TBL1XR1: variants seen among roughly 807,000 people sequenced by gnomAD.
TBL1XR1 encodes TBL1X/Y related 1, also known as F-box-like/WD repeat-containing protein TBL1XR1.
A neutral mutation model predicts 66.9 loss-of-function variants in TBL1XR1; 5 were observed. The observed-to-expected ratio is 0.07, with a 90% confidence interval of 0.04 to 0.16. The LOEUF is 0.16. Ranked by LOEUF, TBL1XR1 falls within the 10% of genes least tolerant of loss-of-function variation. The pLI, the probability that TBL1XR1 is intolerant of heterozygous loss-of-function variation, is 1.00. For synonymous variants in TBL1XR1, 210 were observed against 206.0 expected, an observed-to-expected ratio of 1.02 and a Z score of -0.17; for missense variants, 238 against 623.2, an observed-to-expected ratio of 0.38 and a Z score of 6.58.
At chr3:177,112,098 TA>T (rs1287257698) in intron 1 of TBL1XR1, among the ~76,000 whole-genome samples, 52 of 53,824 alleles carry the variant, frequency 9.7e-4, no homozygotes, top group African/African-American at 1.5e-3. Context: ...TATATATATA[TA>T]TATATATATT....
At chr3:177,048,633 C>T (rs923222133) in intron 7 of TBL1XR1, among the ~76,000 whole-genome samples, 1 of 152,182 alleles carries the variant, frequency 6.6e-6, no homozygotes, top group African/African-American at 2.4e-5. Context: ...TCTAAACTAT[C>T]AGTCCCTAAA....
At chr3:177,073,543 G>A (rs1720309211) in intron 2 of TBL1XR1, among the ~76,000 whole-genome samples, 1 of 152,106 alleles carries the variant, frequency 6.6e-6, no homozygotes, top group Non-Finnish European at 1.5e-5. Flanking sequence ...TTCTATAAAT[G>A]GACTTCTATT....
chr3:177,084,050 T>C (rs1577113378), intron 2 of TBL1XR1, among the ~76,000 whole-genome samples: 1 of 137,832 alleles, frequency 7.3e-6, no homozygotes. Context: ...ATTGCCCCAC[T>C]GCACTCCAGC....
chr3:177,144,701 C>G (rs953336599), intron 1 of TBL1XR1, among the ~76,000 whole-genome samples: 6 of 150,216 alleles, frequency 4.0e-5, no homozygotes, highest in Non-Finnish European at 7.4e-5. Context: ...TGCAGTGCGC[C>G]GAGATTGCAC....
intron 2 of TBL1XR1, among the ~76,000 whole-genome samples, chr3:177,067,842 C>A (rs1719371076): frequency 6.6e-6 from 1 of 152,080 alleles, no homozygotes; most frequent in South Asian, 2.1e-4. Context: ...TAGAACTTGT[C>A]CATTATGGTT....
intron 14 of TBL1XR1, 98 bp from the exon 15 acceptor site, chr3:177,026,572 T>C (rs1384397948): frequency 1.2e-6 from 1 of 834,982 alleles, no homozygotes; most frequent in East Asian, 3.0e-5. Context: ...TTTCTAGCAA[T>C]CAGAGGAGGG....
chr3:177,199,755 C>T (rs1403825781), upstream of TBL1XR1, among the ~76,000 whole-genome samples: 4 of 152,132 alleles, frequency 2.6e-5, no homozygotes, highest in African/African-American at 9.7e-5. Flanking sequence ...CACCAAGCTG[C>T]CTCCTAAAGT....
intron 3 of TBL1XR1, among the ~76,000 whole-genome samples, chr3:177,059,666 A>G (rs942916299): frequency 2.6e-5 from 4 of 152,154 alleles, no homozygotes; most frequent in African/African-American, 9.7e-5. Context: ...CAAACTCTTG[A>G]AGCCTACATG....
At chr3:177,141,224 A>G (rs1729591838) in intron 1 of TBL1XR1, among the ~76,000 whole-genome samples, 1 of 152,200 alleles carries the variant, frequency 6.6e-6, no homozygotes, top group African/African-American at 2.4e-5. Context: ...ATGGGGGAAA[A>G]AGATCTTAGT....
chr3:177,172,298 C>A (rs372984795), intron 1 of TBL1XR1, among the ~76,000 whole-genome samples: 35 of 147,122 alleles, frequency 2.4e-4, no homozygotes, highest in African/African-American at 8.4e-4. Context: ...CCTTATAACC[C>A]AAAGAACAAA....
intron 2 of TBL1XR1, among the ~76,000 whole-genome samples, chr3:177,097,347 T>A (rs1418438343): frequency 6.6e-6 from 1 of 152,206 alleles, no homozygotes; most frequent in Non-Finnish European, 1.5e-5. Flanking sequence ...ATCCCCAAAA[T>A]ACACAACAAT....
At chr3:177,190,199 C>G (rs914196254) in intron 1 of TBL1XR1, among the ~76,000 whole-genome samples, 2 of 149,508 alleles carry the variant, frequency 1.3e-5, no homozygotes, top group African/African-American at 4.9e-5. Flanking sequence ...ACCTAACTAC[C>G]TGACACATAT....
chr3:177,175,025 A>G (rs1024654842), intron 1 of TBL1XR1, among the ~76,000 whole-genome samples: 1 of 152,196 alleles, frequency 6.6e-6, no homozygotes, highest in African/African-American at 2.4e-5. Context: ...GAAAAGACCA[A>G]ACTGTTTGGC....
intron 1 of TBL1XR1, among the ~76,000 whole-genome samples, chr3:177,134,097 G>A (rs1034353706): frequency 3.9e-5 from 6 of 152,078 alleles, no homozygotes; most frequent in Admixed American, 2.0e-4. Context: ...TGTAAAGAGA[G>A]AGAAATTATA....
intron 3 of TBL1XR1, among the ~76,000 whole-genome samples, chr3:177,054,433 T>G (rs539159721): frequency 6.6e-6 from 1 of 152,312 alleles, no homozygotes; most frequent in East Asian, 1.9e-4. Flanking sequence ...GTACACATAA[T>G]ATGCTTTAAA....
At chr3:177,134,391 CAG>C (rs1011467275) in intron 1 of TBL1XR1, among the ~76,000 whole-genome samples, 4 of 152,134 alleles carry the variant, frequency 2.6e-5, no homozygotes, top group African/African-American at 9.7e-5. Context: ...AGAGAGAAAA[CAG>C]AATTATGGCA....
At chr3:177,043,558 A>C (rs923099345) in intron 10 of TBL1XR1, among the ~76,000 whole-genome samples, 4 of 152,124 alleles carry the variant, frequency 2.6e-5, no homozygotes, top group Admixed American at 2.6e-4. Flanking sequence ...ATTTATTTTT[A>C]CATCATTTTA....
intron 2 of TBL1XR1, among the ~76,000 whole-genome samples, chr3:177,090,922 G>A (rs1005796824): frequency 1.7e-4 from 26 of 152,248 alleles, no homozygotes; most frequent in Non-Finnish European, 3.5e-4. Flanking sequence ...CCAGAAGGTC[G>A]GGGCTGCAGT....
chr3:177,059,692 A>G (rs1260284835), intron 3 of TBL1XR1, among the ~76,000 whole-genome samples: 1 of 152,158 alleles, frequency 6.6e-6, no homozygotes, highest in Non-Finnish European at 1.5e-5. Context: ...TCCTTCTTAT[A>G]TATCATCCTG....
Sources: gnomAD v4.1 joint callset for allele counts (sites outside exome capture counted in the v4.1 genomes callset) on GRCh38, gnomAD v4.1.1 for gene constraint, MANE v1.5 for transcripts, NCBI Gene and HGNC (gene_info 2026-07-23, HGNC 2026-07-21) for gene names.